The following GABRG3 variants were observed in gnomAD, a reference collection of about 807,000 sequenced individuals.
GABRG3 encodes gamma-aminobutyric acid type A receptor subunit gamma3.
A neutral mutation model predicts 48.8 loss-of-function variants in GABRG3; 25 were observed. The observed-to-expected ratio is 0.51, with a 90% confidence interval of 0.37 to 0.72. GABRG3 has a LOEUF of 0.72. Among genes scored for constraint, GABRG3 ranks in the 30% least tolerant of loss-of-function variants. The pLI, the probability that GABRG3 is intolerant of heterozygous loss-of-function variation, is 0.00. For synonymous variants in GABRG3, 227 were observed against 217.6 expected, an observed-to-expected ratio of 1.04 and a Z score of -0.38; for missense variants, 394 against 577.9, an observed-to-expected ratio of 0.68 and a Z score of 3.26.
intron 3 of GABRG3, among the ~76,000 whole-genome samples, chr15:27,148,613 T>C (rs534764086): frequency 6.6e-6 from 1 of 152,044 alleles, no homozygotes; most frequent in East Asian, 1.9e-4. Context: ...AACAAAATAC[T>C]AGCAATCTGA....
chr15:27,479,414 G>A (rs1179019632), intron 5 of GABRG3, among the ~76,000 whole-genome samples: 2 of 152,102 alleles, frequency 1.3e-5, no homozygotes, highest in African/African-American at 4.8e-5. Context: ...AATTTCACCG[G>A]GCAACCCACA....
rs142815660 is a variant in GABRG3 at position 27,360,251 on chromosome 15, C to A, written c.574+31363C>A. 8.8e-3 allele frequency among the ~76,000 whole-genome samples: 1,336 copies of A among 152,246 alleles called. 16 individuals are homozygous for A. The highest frequency in any genetic ancestry group is 0.031 in the African/African-American group (1,269 of 41,550). On this transcript the variant is annotated intron_variant, in intron 5 of 9. Coordinates refer to ENST00000615808, the MANE Select transcript of GABRG3 (RefSeq NM_033223.5). ...CACAGTGTTCATCCAGCACGAGTAG[C>A]CCTCTCAGGTGGCCCCACTCTGCCT...
At chr15:27,330,102 G>T (rs975850197) in intron 5 of GABRG3, among the ~76,000 whole-genome samples, 1 of 152,112 alleles carries the variant, frequency 6.6e-6, no homozygotes, top group Non-Finnish European at 1.5e-5. Flanking sequence ...TTAGCTGAGC[G>T]TGGTGGCAGG....
At chr15:27,226,080 G>A (rs946728121) in intron 3 of GABRG3, among the ~76,000 whole-genome samples, 1 of 152,172 alleles carries the variant, frequency 6.6e-6, no homozygotes, top group African/African-American at 2.4e-5. Flanking sequence ...GGCGTGAGTT[G>A]ATGCAAATAG....
At chr15:27,010,562 C>A (rs73367713) in intron 2 of GABRG3, among the ~76,000 whole-genome samples, 7,485 of 152,210 alleles carry the variant, frequency 0.049, 611 homozygotes, top group African/African-American at 0.17. Context: ...GACTGGCCAA[C>A]TTCATGCTCT....
chr15:27,118,643 T>A lies in GABRG3; in HGVS notation c.270+91822T>A, dbSNP rs188517267. Among the ~76,000 whole-genome samples the A allele has an allele frequency of 2.6e-5, 4 of 152,296 alleles. No homozygotes were observed. The East Asian group carries it at 7.7e-4, about 29-fold the overall frequency. Reference sequence around the variant, plus strand: ...TGCAGTCTGAATAAAATTGGTAACATAAAATTTTACCAAAAGTCATAGGAA... The same window carrying A: ...TGCAGTCTGAATAAAATTGGTAACAAAAAATTTTACCAAAAGTCATAGGAA... On this transcript the variant is annotated intron_variant, in intron 3 of 9. Transcript: ENST00000615808.
At chr15:27,439,470 G>C (rs1251740007) in intron 5 of GABRG3, among the ~76,000 whole-genome samples, 2 of 152,156 alleles carry the variant, frequency 1.3e-5, no homozygotes, top group Non-Finnish European at 2.9e-5. Flanking sequence ...TTGATCATCT[G>C]TCCCCCTACA....
intron 6 of GABRG3, among the ~76,000 whole-genome samples, chr15:27,517,848 G>C (rs1482412042): frequency 2.0e-5 from 3 of 151,986 alleles, no homozygotes; most frequent in African/African-American, 7.3e-5. Flanking sequence ...ATTGCTTCAG[G>C]CTAATCATCC....
chr15:27,297,126 T>A (rs1019020984), intron 3 of GABRG3, among the ~76,000 whole-genome samples: 2 of 152,062 alleles, frequency 1.3e-5, no homozygotes, highest in Admixed American at 1.3e-4. Context: ...GCTTATAGAA[T>A]AAGGATGTAG....
chr15:27,018,714 G>C (rs1895824067), intron 2 of GABRG3, among the ~76,000 whole-genome samples: 1 of 152,154 alleles, frequency 6.6e-6, no homozygotes, highest in African/African-American at 2.4e-5. Context: ...TGGGACCTGT[G>C]ATAGTGACTT....
chr15:27,023,358 T>G (rs1895930535), intron 2 of GABRG3, among the ~76,000 whole-genome samples: 1 of 152,180 alleles, frequency 6.6e-6, no homozygotes, highest in Admixed American at 6.5e-5. Context: ...AATGTACAGT[T>G]GAGTGGCAGT....
chr15:27,271,970 G>A (rs1279733583), intron 3 of GABRG3, among the ~76,000 whole-genome samples: 2 of 152,142 alleles, frequency 1.3e-5, no homozygotes, highest in Admixed American at 6.5e-5. Context: ...TGACTATTCC[G>A]CTTCCCTCTG....
At chr15:27,205,991 T>C (rs1888840046) in intron 3 of GABRG3, among the ~76,000 whole-genome samples, 1 of 152,142 alleles carries the variant, frequency 6.6e-6, no homozygotes, top group Non-Finnish European at 1.5e-5. Flanking sequence ...TGTCTGTCAA[T>C]GTTACTTATT....
intron 3 of GABRG3, among the ~76,000 whole-genome samples, chr15:27,293,569 G>T (rs1033028240): frequency 6.6e-6 from 1 of 152,008 alleles, no homozygotes; most frequent in African/African-American, 2.4e-5. Flanking sequence ...CCAGCTACTT[G>T]GGAGGCTGAA....
In GABRG3 at chr15:27,236,388, C is replaced by T. The variant is rs756108971; in HGVS notation, c.271-90421C>T. Among the ~76,000 whole-genome samples the T allele has an allele frequency of 2.6e-5, 4 of 152,190 alleles. No individual in the cohort carries two copies. Among genetic ancestry groups the T allele is most frequent in the African/African-American group, 7.2e-5 (3 of 41,446 alleles). On this transcript the variant is annotated intron_variant, in intron 3 of 9. Transcript: ENST00000615808. The surrounding 1 kb of genome is among the most constrained non-coding windows in gnomAD (Gnocchi z 4.4). The stretch of plus-strand genomic sequence containing the variant: ...AATGGACCCCCTGACCCACTGTTGG[C>T]TGAGAGAAACCTTAGAAACTGAGTT...
chr15:27,108,379 A>G (rs2140368973), intron 3 of GABRG3, among the ~76,000 whole-genome samples: 1 of 152,160 alleles, frequency 6.6e-6, no homozygotes. Flanking sequence ...ATTGATTTTT[A>G]TTTTAATTCC....
intron 2 of GABRG3, among the ~76,000 whole-genome samples, chr15:26,991,260 T>G (rs1895242584): frequency 6.6e-6 from 1 of 152,204 alleles, no homozygotes; most frequent in South Asian, 2.1e-4. Context: ...GGTCCTCTAT[T>G]CTGTTCCATT....
At chr15:27,486,549 C>G (rs536531821) in intron 6 of GABRG3, among the ~76,000 whole-genome samples, 27 of 152,266 alleles carry the variant, frequency 1.8e-4, no homozygotes, top group Non-Finnish European at 3.7e-4. Flanking sequence ...TCCAGCAGTG[C>G]CCACTGGGAG....
chr15:27,328,126 A>G (rs1466975545), intron 4 of GABRG3, among the ~76,000 whole-genome samples: 1 of 140,136 alleles, frequency 7.1e-6, no homozygotes, highest in East Asian at 2.0e-4. Flanking sequence ...CAAAAAAAAA[A>G]ACCAAAAAAA....
Sources: gnomAD v4.1 joint callset for allele counts (sites outside exome capture counted in the v4.1 genomes callset) on GRCh38, gnomAD v4.1.1 for gene constraint, Gnocchi (gnomAD v3.1) non-coding constraint, MANE v1.5 for transcripts, NCBI Gene and HGNC (gene_info 2026-07-23, HGNC 2026-07-21) for gene names.